Variants in ARHGAP39 observed in about 807,000 individuals in gnomAD.
ARHGAP39 encodes rho GTPase-activating protein 39.
A neutral mutation model predicts 106.9 loss-of-function variants in ARHGAP39; 44 were observed. The observed-to-expected ratio is 0.41, with a 90% CI of 0.32 to 0.53. The LOEUF is 0.53. ARHGAP39 is among the 20% of genes least tolerant of loss of function. The pLI is 0.21. For synonymous variants in ARHGAP39, 768 were observed against 693.2 expected (o/e 1.11, Z -1.69); for missense variants, 1,496 against 1,577.3 (o/e 0.95, Z 0.87).
Position 144,670,599 on chromosome 8 carries a change from C to T in ARHGAP39, c.-82+15087G>A, listed in dbSNP as rs1010138871. Among the ~76,000 whole-genome samples, 3 of 152,166 alleles carry T rather than the reference C, an allele frequency of 2.0e-5. No homozygotes were observed. The highest frequency in any genetic ancestry group is 4.4e-5 in the Non-Finnish European group (3 of 68,030). On this transcript the variant is annotated intron_variant, in intron 1 of 11. Coordinates refer to ENST00000377307, the MANE Select transcript of ARHGAP39 (RefSeq NM_025251.3). This position sits in a 1 kb window ranked among gnomAD's most constrained non-coding sequence, Gnocchi z 4.4. ...CACTTGTCCTGCCTCCCGCCCTGCT[C>T]CAGGCTCCCTGGGCTCCTGCCATCC...
At chr8:144,627,295 C>G (rs1012888800) in intron 1 of ARHGAP39, among the ~76,000 whole-genome samples, 3 of 152,190 alleles carry the variant, frequency 2.0e-5, no homozygotes, top group Admixed American at 1.3e-4. Flanking sequence ...GTGGCTCATG[C>G]CTGTAATCCC....
At chr8:144,596,154 G>A (rs911790476) in intron 2 of ARHGAP39, among the ~76,000 whole-genome samples, 2 of 151,940 alleles carry the variant, frequency 1.3e-5, no homozygotes, top group East Asian at 1.9e-4. Context: ...CAGAGGGGAC[G>A]GCTGAGGCCT....
chr8:144,549,799 G>A (rs1369533321), intron 4 of ARHGAP39, among the ~76,000 whole-genome samples: 1 of 152,122 alleles, frequency 6.6e-6, no homozygotes, highest in African/African-American at 2.4e-5. Flanking sequence ...AGCCCCACGT[G>A]GTTTTCATGC....
In ARHGAP39 at chr8:144,628,407, G is replaced by A. The variant is rs113420215; in HGVS notation, c.-81-22712C>T. On this transcript the variant is annotated intron_variant, in intron 1 of 11. Transcript: ENST00000377307. ...AGAGAGGGCTGGTCCAGCAACCCTC[G>A]TGCCAGATGAGAGGCAGCAGCACAG... is the stretch of plus-strand genomic sequence containing the variant. 8.0e-3 allele frequency among the ~76,000 whole-genome samples: 1,210 copies of A among 152,194 alleles called. 7 individuals carry two copies. The highest frequency in any genetic ancestry group is 0.028 in the African/African-American group (1,144 of 41,514).
At chr8:144,561,251 G>A (rs1251741588) in intron 3 of ARHGAP39, among the ~76,000 whole-genome samples, 1 of 151,722 alleles carries the variant, frequency 6.6e-6, no homozygotes, top group Non-Finnish European at 1.5e-5. Context: ...CACTCCAGTG[G>A]TGTCCATCAG....
chr8:144,578,745 G>A (rs1406411468), intron 3 of ARHGAP39, among the ~76,000 whole-genome samples: 1 of 152,022 alleles, frequency 6.6e-6, no homozygotes, highest in Non-Finnish European at 1.5e-5. Context: ...CAGATACTTG[G>A]GGGTCTGAGG....
chr8:144,635,293 C>T (rs1821146621), intron 1 of ARHGAP39, among the ~76,000 whole-genome samples: 1 of 152,186 alleles, frequency 6.6e-6, no homozygotes, highest in Non-Finnish European at 1.5e-5. Context: ...AAGTTGGTCA[C>T]CAACGGTTTA....
chr8:144,587,922 C>A (rs992223400), intron 2 of ARHGAP39, among the ~76,000 whole-genome samples: 1 of 152,206 alleles, frequency 6.6e-6, no homozygotes, highest in African/African-American at 2.4e-5. Flanking sequence ...GGATTACAGG[C>A]GTGAGCCACC....
chr8:144,556,371 T>C (rs1246946194), intron 3 of ARHGAP39, among the ~76,000 whole-genome samples: 1 of 150,704 alleles, frequency 6.6e-6, no homozygotes, highest in African/African-American at 2.4e-5. Context: ...ATCTATGAAA[T>C]GAATGGCTGA....
chr8:144,595,904 C>T (rs1174022396), intron 2 of ARHGAP39, among the ~76,000 whole-genome samples: 4 of 152,178 alleles, frequency 2.6e-5, no homozygotes, highest in Non-Finnish European at 5.9e-5. Flanking sequence ...GCTCTTTGTT[C>T]CCAGATGTTG....
intron 6 of ARHGAP39, among the ~76,000 whole-genome samples, chr8:144,543,343 C>T (rs1404472989): frequency 6.6e-6 from 1 of 152,128 alleles, no homozygotes; most frequent in Non-Finnish European, 1.5e-5. Context: ...AGGAGGCTGG[C>T]TGGAGGGGGT....
At chr8:144,697,730 G>T in the ARHGAP39 span, among the ~76,000 whole-genome samples, 1 of 152,050 alleles carries the variant, frequency 6.6e-6, no homozygotes, top group Admixed American at 6.6e-5. Context: ...GACCTCAGGT[G>T]ATCTGCCTGC....
At chr8:144,565,088 C>A in intron 3 of ARHGAP39, among the ~76,000 whole-genome samples, 1 of 151,642 alleles carries the variant, frequency 6.6e-6, no homozygotes, top group South Asian at 2.1e-4. Context: ...CCAGCCTGGG[C>A]AACAAGAGTG....
At chr8:144,664,550 T>C (rs1165551765) in intron 1 of ARHGAP39, among the ~76,000 whole-genome samples, 4 of 152,226 alleles carry the variant, frequency 2.6e-5, no homozygotes, top group Non-Finnish European at 5.9e-5. Context: ...GGTTTGGCTG[T>C]GTCCCCACCC....
chr8:144,574,149 G>GGAAA (rs1312814141), intron 3 of ARHGAP39, among the ~76,000 whole-genome samples: 15 of 107,286 alleles, frequency 1.4e-4, no homozygotes, highest in African/African-American at 5.4e-4. Context: ...CTGGGTGACA[G>GGAAA]AAAAAAAAAA....
intron 5 of ARHGAP39, among the ~76,000 whole-genome samples, chr8:144,546,191 C>T (rs1817413862): frequency 6.6e-6 from 1 of 152,194 alleles, no homozygotes; most frequent in African/African-American, 2.4e-5. Context: ...GGCTGCAGTT[C>T]ACACCAGGTA....
chr8:144,572,620 G>A (rs1030648987), intron 3 of ARHGAP39, among the ~76,000 whole-genome samples: 17 of 152,128 alleles, frequency 1.1e-4, no homozygotes, highest in Admixed American at 2.0e-4. Context: ...AGCCAAAATA[G>A]ATAAATGGGA....
intron 1 of ARHGAP39, among the ~76,000 whole-genome samples, chr8:144,608,956 C>G (rs1820390707): frequency 6.6e-6 from 1 of 152,096 alleles, no homozygotes; most frequent in Non-Finnish European, 1.5e-5. Flanking sequence ...TTGTTTTTCA[C>G]AGATTTATTA....
rs192518345 is a variant in ARHGAP39, at chr8:144,588,336, C to T, written c.81-7059G>A. ...GAGGCTCATGGAGGCACAAAACCAA[C>T]GGTGATGCCAGAGGCTGACTGCCCG... is the stretch of plus-strand genomic sequence containing the variant. On this transcript the variant is annotated intron_variant, in intron 2 of 11. Transcript: ENST00000377307. Among the ~76,000 whole-genome samples, 7 of 152,378 alleles carry T rather than the reference C, an allele frequency of 4.6e-5. No individual in the cohort carries two copies. The East Asian group carries it at 9.6e-4, about 21-fold the overall frequency.
Sources: gnomAD v4.1 joint callset for allele counts (sites outside exome capture counted in the v4.1 genomes callset) on GRCh38, gnomAD v4.1.1 for gene constraint, Gnocchi (gnomAD v3.1) non-coding constraint, MANE v1.5 for transcripts, NCBI Gene and HGNC (gene_info 2026-07-23, HGNC 2026-07-21) for gene names.